The following DLG2 variants were observed in gnomAD, a reference collection of about 807,000 sequenced individuals.
DLG2 encodes the protein discs large MAGUK scaffold protein 2.
Under a neutral mutation model 132.5 loss-of-function variants are expected in DLG2, and 45 were observed. That is an observed-to-expected ratio of 0.34 (90% CI 0.27 to 0.44). The LOEUF (loss-of-function observed/expected upper bound fraction) is 0.44, where lower values mean the gene tolerates loss of function less well. Among genes scored for constraint, DLG2 ranks in the 20% least tolerant of loss-of-function variants. DLG2 has a pLI of 1.00. For missense variants in DLG2, 1,045 were observed against 1,196.9 expected (o/e 0.87, Z 1.87); for synonymous variants, 424 against 419.6 (o/e 1.01, Z -0.13).
chr11:85,319,832 G>A (rs761214962), intron 3 of DLG2, among the ~76,000 whole-genome samples: 1 of 151,588 alleles, frequency 6.6e-6, no homozygotes, highest in Non-Finnish European at 1.5e-5. Context: ...CTTCTCAATT[G>A]CAACTTAAAA....
At chr11:83,499,124 A>G (rs1456482648) in intron 21 of DLG2, among the ~76,000 whole-genome samples, 1 of 152,168 alleles carries the variant, frequency 6.6e-6, no homozygotes, top group East Asian at 1.9e-4. Flanking sequence ...TCTATTAAAC[A>G]CCATTTAAAA....
intron 6 of DLG2, among the ~76,000 whole-genome samples, chr11:84,939,155 C>T (rs1419044373): frequency 6.6e-6 from 1 of 152,038 alleles, no homozygotes; most frequent in Non-Finnish European, 1.5e-5. Context: ...GTCCTTATAG[C>T]TCCCCAAAGA....
intron 7 of DLG2, among the ~76,000 whole-genome samples, chr11:84,354,397 A>C (rs1301546588): frequency 6.6e-6 from 1 of 152,158 alleles, no homozygotes; most frequent in Admixed American, 6.5e-5. Context: ...ACTTGCCTGC[A>C]TATCGTCTCC....
chr11:83,610,222 A>G (rs1349518681), intron 19 of DLG2, among the ~76,000 whole-genome samples: 1 of 152,152 alleles, frequency 6.6e-6, no homozygotes, highest in African/African-American at 2.4e-5. Context: ...ACAGGAAGGG[A>G]TCCCAGAGTT....
chr11:85,245,533 C>T (rs2076090733), intron 4 of DLG2, among the ~76,000 whole-genome samples: 1 of 152,000 alleles, frequency 6.6e-6, no homozygotes, highest in African/African-American at 2.4e-5. Flanking sequence ...ACACCATTTC[C>T]AACCATTATA....
intron 7 of DLG2, among the ~76,000 whole-genome samples, chr11:84,349,888 C>T (rs1162853230): frequency 6.6e-6 from 1 of 151,550 alleles, no homozygotes; most frequent in Non-Finnish European, 1.5e-5. Context: ...TTAAAAAAAT[C>T]CAGGCTAGGC....
At chr11:84,980,531 C>T (rs12224879) in intron 6 of DLG2, among the ~76,000 whole-genome samples, 4 of 152,154 alleles carry the variant, frequency 2.6e-5, no homozygotes, top group African/African-American at 9.7e-5. Flanking sequence ...AGATAAGACC[C>T]TTCATGTCCC....
intron 15 of DLG2, among the ~76,000 whole-genome samples, chr11:83,886,539 T>C (rs1327766448): frequency 2.6e-5 from 4 of 152,092 alleles, no homozygotes; most frequent in Admixed American, 1.3e-4. Flanking sequence ...GACAGATGAA[T>C]GAGACAGAAA....
chr11:84,134,557 G>A (rs2094532417), intron 9 of DLG2, among the ~76,000 whole-genome samples: 1 of 151,950 alleles, frequency 6.6e-6, no homozygotes, highest in Non-Finnish European at 1.5e-5. Context: ...CTTCTAACCT[G>A]GTTAATTCCA....
intron 6 of DLG2, among the ~76,000 whole-genome samples, chr11:84,809,668 T>A (rs1021228316): frequency 6.6e-6 from 1 of 151,918 alleles, no homozygotes; most frequent in Admixed American, 6.6e-5. Flanking sequence ...ATAATACCTT[T>A]TACAATTGCT....
intron 21 of DLG2, among the ~76,000 whole-genome samples, chr11:83,523,989 C>A (rs935742606): frequency 1.3e-5 from 2 of 152,170 alleles, no homozygotes; most frequent in Non-Finnish European, 2.9e-5. Context: ...ACTCTCCCTT[C>A]TTCCTCTGTG....
chr11:84,819,926 T>G (rs901350598), intron 6 of DLG2, among the ~76,000 whole-genome samples: 2 of 151,546 alleles, frequency 1.3e-5, no homozygotes, highest in East Asian at 2.0e-4. Context: ...TCTGGGTAAG[T>G]GTCCACATAG....
intron 7 of DLG2, among the ~76,000 whole-genome samples, chr11:84,461,843 T>G (rs949504657): frequency 6.6e-6 from 1 of 150,884 alleles, no homozygotes; most frequent in African/African-American, 2.4e-5. Context: ...GGGCAGCAAC[T>G]ACATTTTATG....
chr11:85,489,338 G>T (rs1311669426), intron 3 of DLG2, among the ~76,000 whole-genome samples: 1 of 152,042 alleles, frequency 6.6e-6, no homozygotes. Context: ...AATAATAAAG[G>T]TATCAACTCA....
intron 6 of DLG2, among the ~76,000 whole-genome samples, chr11:84,569,126 C>T (rs1016263550): frequency 1.3e-5 from 2 of 152,128 alleles, no homozygotes; most frequent in South Asian, 2.1e-4. Context: ...AGCAGCCCTA[C>T]CAGTGTCAGA....
At chr11:85,289,774 A>G (rs2078779661) in intron 3 of DLG2, among the ~76,000 whole-genome samples, 1 of 152,154 alleles carries the variant, frequency 6.6e-6, no homozygotes, top group Non-Finnish European at 1.5e-5. Context: ...AGGGAGCTAG[A>G]TAAATGCTCA....
chr11:85,003,797 G>A (rs1490550984), intron 6 of DLG2, among the ~76,000 whole-genome samples: 3 of 152,028 alleles, frequency 2.0e-5, no homozygotes, highest in Admixed American at 6.6e-5. Context: ...AGGTATATAT[G>A]TGTCATGGTG....
At chr11:83,579,463 C>G (rs895894072) in intron 19 of DLG2, among the ~76,000 whole-genome samples, 5 of 152,114 alleles carry the variant, frequency 3.3e-5, no homozygotes, top group African/African-American at 1.2e-4. Flanking sequence ...GTGACTGTAT[C>G]TAGATTTTGA....
chr11:84,616,050 G>T (rs181211832), intron 6 of DLG2, among the ~76,000 whole-genome samples: 5 of 151,900 alleles, frequency 3.3e-5, no homozygotes, highest in Non-Finnish European at 7.4e-5. Flanking sequence ...TGACAAAAAA[G>T]TACTATGAAA....
Sources: gnomAD v4.1 joint callset for allele counts (sites outside exome capture counted in the v4.1 genomes callset) on GRCh38, gnomAD v4.1.1 for gene constraint, MANE v1.5 for transcripts, NCBI Gene and HGNC (gene_info 2026-07-23, HGNC 2026-07-21) for gene names.